The following ADAM10 variants were observed in gnomAD, a reference collection of about 807,000 sequenced individuals.
ADAM10 encodes the protein ADAM metallopeptidase domain 10.
In ADAM10, 17 loss-of-function variants were observed where a neutral mutation model predicts 90.1. That is an observed-to-expected ratio of 0.19 (90% CI 0.13 to 0.28). ADAM10 has a LOEUF of 0.28. Among genes scored for constraint, ADAM10 ranks in the 10% least tolerant of loss-of-function variants. ADAM10 has a pLI of 1.00. For synonymous variants in ADAM10, 310 were observed against 298.6 expected, an observed-to-expected ratio of 1.04 and a Z score of -0.40; for missense variants, 610 against 914.3, an observed-to-expected ratio of 0.67 and a Z score of 4.29.
chr15:58,640,999 T>C, intron 7 of ADAM10, 39 bp from the exon 8 acceptor site: 1 of 1,568,924 alleles, frequency 6.4e-7, no homozygotes, highest in Non-Finnish European at 8.8e-7. Context: ...TAATTAATGT[T>C]AGCAGAGCTT....
intron 5 of ADAM10, among the ~76,000 whole-genome samples, chr15:58,648,333 G>A (rs1896605084): frequency 6.6e-6 from 1 of 152,104 alleles, no homozygotes; most frequent in Admixed American, 6.6e-5. Flanking sequence ...CCAGGTCTCA[G>A]TTTACACAGT....
chr15:58,626,507 C>CA (rs11441151), intron 10 of ADAM10, among the ~76,000 whole-genome samples: 2,036 of 151,894 alleles, frequency 0.013, 57 homozygotes, highest in African/African-American at 0.046. Context: ...CACACACACA[C>CA]AAAAAAACCC....
intron 2 of ADAM10, among the ~76,000 whole-genome samples, chr15:58,704,542 T>A (rs1323689212): frequency 6.6e-6 from 1 of 152,164 alleles, no homozygotes; most frequent in Non-Finnish European, 1.5e-5. Flanking sequence ...AATGGTAGCT[T>A]TTCATTTTAC....
At chr15:58,735,691 C>T (rs927261805) in intron 1 of ADAM10, among the ~76,000 whole-genome samples, 17 of 152,004 alleles carry the variant, frequency 1.1e-4, no homozygotes, top group African/African-American at 3.1e-4. Flanking sequence ...TTTTTTCATT[C>T]GTGGTTGGTT....
chr15:58,598,122 C>T (rs1411853141), intron 15 of ADAM10, among the ~76,000 whole-genome samples: 2 of 152,126 alleles, frequency 1.3e-5, no homozygotes, highest in African/African-American at 4.8e-5. Flanking sequence ...GATGCCTACA[C>T]TGTAAAACAA....
Position 58,731,623 on chromosome 15 carries a change from G to A in ADAM10, c.56-13896C>T, listed in dbSNP as rs140814827. 9.2e-5 allele frequency among the ~76,000 whole-genome samples: 14 copies of A among 152,052 alleles called. No homozygotes were observed. The East Asian group carries it at 2.7e-3, about 29-fold the overall frequency. On this transcript the variant is annotated intron_variant, in intron 1 of 15. Coordinates refer to ENST00000260408, the MANE Select transcript of ADAM10 (RefSeq NM_001110.4). ...AGCCTGAGTGAGAGAGTGAGACCCT[G>A]TCTCAAAAAAATAAAAAAATTAAAA...
intron 14 of ADAM10, among the ~76,000 whole-genome samples, chr15:58,603,977 A>G (rs887445970): frequency 6.6e-6 from 1 of 152,164 alleles, no homozygotes; most frequent in African/African-American, 2.4e-5. Context: ...AAGTAGAAAA[A>G]AATGTTTTGC....
At chr15:58,682,538 G>T (rs568488869) in intron 2 of ADAM10, among the ~76,000 whole-genome samples, 143 of 152,124 alleles carry the variant, frequency 9.4e-4, no homozygotes, top group African/African-American at 3.2e-3. Flanking sequence ...TAACTGTCTA[G>T]GATGTTAAAA....
Position 58,590,705 on chromosome 15 carries a change from C to CA in ADAM10, c.*6841dup, listed in dbSNP as rs1894806319. Reference sequence around the variant, plus strand: ...AACCGGCCTGTTGTATTTAGAAACACAAAGGCTAACTCCCATACCCAAAGG... The same window carrying CA: ...AACCGGCCTGTTGTATTTAGAAACACAAAAGGCTAACTCCCATACCCAAAGG... On this transcript the variant is annotated 3_prime_UTR_variant, in exon 16 of 16. Coordinates refer to ENST00000260408, the MANE Select transcript of ADAM10 (RefSeq NM_001110.4). The CA allele has an allele frequency of 6.6e-6, 1 of 152,088 alleles. No individual in the cohort carries two copies. The allele number at this position is 152,088 out of a possible 1,614,324, so 9.4% of individuals were successfully genotyped here.
At chr15:58,737,238 C>T (rs1899459462) in intron 1 of ADAM10, among the ~76,000 whole-genome samples, 2 of 152,110 alleles carry the variant, frequency 1.3e-5, no homozygotes, top group Admixed American at 1.3e-4. Flanking sequence ...AAATTGGTAT[C>T]TGTTCTCTAA....
intron 7 of ADAM10, among the ~76,000 whole-genome samples, 154 bp from the exon 8 acceptor site, chr15:58,641,114 T>A (rs1896406831): frequency 6.6e-6 from 1 of 151,954 alleles, no homozygotes; most frequent in South Asian, 2.1e-4. Context: ...ACTGCCCACA[T>A]CCCTGAGCTG....
At chr15:58,745,562 T>C (rs1276018644) in intron 1 of ADAM10, among the ~76,000 whole-genome samples, 2 of 152,180 alleles carry the variant, frequency 1.3e-5, no homozygotes, top group African/African-American at 4.8e-5. Flanking sequence ...ATAAAAAGTA[T>C]TGTGTATACC....
chr15:58,726,459 G>A (rs1420879988), intron 1 of ADAM10, among the ~76,000 whole-genome samples: 1 of 148,718 alleles, frequency 6.7e-6, no homozygotes, highest in African/African-American at 2.5e-5. Flanking sequence ...CAGCTACTCA[G>A]GAGGCTAAGG....
chr15:58,657,305 T>A (rs1896851492), intron 5 of ADAM10, among the ~76,000 whole-genome samples: 1 of 152,202 alleles, frequency 6.6e-6, no homozygotes, highest in African/African-American at 2.4e-5. Context: ...CTCTACCTCC[T>A]CTTTAAGGAC....
At chr15:58,604,394 C>A (rs138480842) in intron 14 of ADAM10, among the ~76,000 whole-genome samples, 2 of 152,056 alleles carry the variant, frequency 1.3e-5, no homozygotes, top group African/African-American at 4.8e-5. Context: ...TTAGCTCTGG[C>A]GTTATCTCCT....
intron 2 of ADAM10, among the ~76,000 whole-genome samples, chr15:58,684,390 G>T (rs1422210535): frequency 6.6e-6 from 1 of 152,194 alleles, no homozygotes; most frequent in East Asian, 1.9e-4. Context: ...GCCCCTAGAT[G>T]ACCTTGGAAT....
At chr15:58,682,067 C>A (rs1295451992) in intron 3 of ADAM10, 129 bp downstream of exon 3, 1 of 1,260,134 alleles carries the variant, frequency 7.9e-7, no homozygotes, top group East Asian at 2.5e-5. Context: ...AGACCATTAC[C>A]CTTCATATGA....
intron 2 of ADAM10, among the ~76,000 whole-genome samples, chr15:58,693,839 C>T (rs1044549458): frequency 2.0e-5 from 3 of 148,072 alleles, no homozygotes; most frequent in South Asian, 4.2e-4. Context: ...AACTTATATT[C>T]GGAATATCTT....
chr15:58,615,924 C>T (rs193136968), intron 11 of ADAM10, among the ~76,000 whole-genome samples: 74 of 152,182 alleles, frequency 4.9e-4, no homozygotes, highest in African/African-American at 1.7e-3. Flanking sequence ...AGGAGAATCG[C>T]TTGAACCCGG....
Sources: gnomAD v4.1 joint callset for allele counts (sites outside exome capture counted in the v4.1 genomes callset) on GRCh38, gnomAD v4.1.1 for gene constraint, MANE v1.5 for transcripts, NCBI Gene and HGNC (gene_info 2026-07-23, HGNC 2026-07-21) for gene names.